FARP1: variants seen among roughly 807,000 people sequenced by gnomAD.
The protein encoded by FARP1 is FERM, ARHGEF and pleckstrin domain-containing protein 1.
In FARP1, 52 loss-of-function variants were observed where a neutral mutation model predicts 128.8. The observed-to-expected ratio is 0.40, with a 90% CI of 0.32 to 0.51. The LOEUF (loss-of-function observed/expected upper bound fraction) is 0.51. Ranked by LOEUF, FARP1 falls within the 20% of genes least tolerant of loss-of-function variation. The pLI is 0.45. For missense variants in FARP1, 1,333 were observed against 1,367.9 expected (o/e 0.97, Z 0.40); for synonymous variants, 580 against 551.8 (o/e 1.05, Z -0.72).
rs139985072 is a variant in FARP1, at chr13:98,354,730, A to G, written c.277-10665A>G. On this transcript the variant is annotated intron_variant, in intron 3 of 26. Coordinates refer to ENST00000319562, the MANE Select transcript of FARP1 (RefSeq NM_005766.4). The stretch of plus-strand genomic sequence containing the variant: ...AAATATTCTTTGCAGTTTTATTCAT[A>G]ACTCCAAACTGGAAATCGCACATGT... 8.9e-3 allele frequency among the ~76,000 whole-genome samples: 1,360 copies of G among 152,378 alleles called. 8 individuals carry two copies. Among genetic ancestry groups the G allele is most frequent in the Middle Eastern group, 0.041 (12 of 294 alleles).
At position 98,409,610 on chromosome 13, in the gene FARP1, A is replaced by G. The variant is rs1209577302; in HGVS notation, c.1602+85A>G. ...TTTTAAAAATTGTACTAAAATATAC[A>G]TAAGAGCAAAGGTACCATGTGAGCC... On this transcript the variant is annotated intron_variant, in intron 14 of 26. Coordinates refer to ENST00000319562, the MANE Select transcript of FARP1 (RefSeq NM_005766.4). 7 of 1,268,470 alleles carry G rather than the reference A, an allele frequency of 5.5e-6. No homozygotes were observed. In the African/African-American group the frequency reaches 1.0e-4, roughly 19 times the overall value. The allele number at this position is 1,268,470 out of a possible 1,614,324, so 78.6% of individuals were successfully genotyped here.
At chr13:98,415,933 T>G (rs1030049233) in intron 16 of FARP1, among the ~76,000 whole-genome samples, 1 of 152,262 alleles carries the variant, frequency 6.6e-6, no homozygotes, top group African/African-American at 2.4e-5. Context: ...CATTTCCTCC[T>G]GGGTGAAATG....
intron 3 of FARP1, among the ~76,000 whole-genome samples, chr13:98,346,207 T>TTTTTTG (rs1888171315): frequency 9.2e-6 from 1 of 108,138 alleles, no homozygotes; most frequent in African/African-American, 3.8e-5. Context: ...TTTTTTTTTT[T>TTTTTTG]GAGAAGGTGT....
At chr13:98,211,368 T>A (rs904729407) in intron 1 of FARP1, among the ~76,000 whole-genome samples, 3 of 152,202 alleles carry the variant, frequency 2.0e-5, no homozygotes, top group African/African-American at 4.8e-5. Context: ...GGGATCTAGA[T>A]TGTGCGCTCC....
At chr13:98,196,373 TA>T (rs1390950296) in intron 1 of FARP1, among the ~76,000 whole-genome samples, 1 of 152,156 alleles carries the variant, frequency 6.6e-6, no homozygotes, top group Non-Finnish European at 1.5e-5. Flanking sequence ...GTGGGCAAGT[TA>T]ATCTCTTGTG....
chr13:98,174,605 G>T (rs1877866739), intron 1 of FARP1, among the ~76,000 whole-genome samples: 1 of 152,096 alleles, frequency 6.6e-6, no homozygotes, highest in African/African-American at 2.4e-5. Flanking sequence ...TGTTAGCTTT[G>T]GCAAGGACAA....
intron 1 of FARP1, among the ~76,000 whole-genome samples, chr13:98,153,885 A>G (rs1024369552): frequency 2.0e-5 from 3 of 151,954 alleles, no homozygotes; most frequent in Non-Finnish European, 2.9e-5. Flanking sequence ...TAATGCATAG[A>G]TTTGTGTAAC....
intron 16 of FARP1, among the ~76,000 whole-genome samples, chr13:98,413,286 G>A (rs2140123661): frequency 6.6e-6 from 1 of 152,292 alleles, no homozygotes; most frequent in South Asian, 2.1e-4. Flanking sequence ...CAGCCTCGCT[G>A]GAAATGGGAA....
At chr13:98,192,335 G>T (rs1879290298) in intron 1 of FARP1, among the ~76,000 whole-genome samples, 1 of 151,914 alleles carries the variant, frequency 6.6e-6, no homozygotes, top group South Asian at 2.1e-4. Context: ...GGTCCACATT[G>T]ATTTCTGTGT....
intron 16 of FARP1, among the ~76,000 whole-genome samples, chr13:98,419,489 C>CACACACACACACAT (rs1891511683): frequency 6.8e-6 from 1 of 147,490 alleles, no homozygotes; most frequent in Admixed American, 6.7e-5. Flanking sequence ...AAAATACACA[C>CACACACACACACAT]ACACACACAC....
At chr13:98,426,303 A>G (rs1272279830) in intron 17 of FARP1, among the ~76,000 whole-genome samples, 4 of 152,132 alleles carry the variant, frequency 2.6e-5, no homozygotes, top group Non-Finnish European at 5.9e-5. Context: ...AGCCTAGACA[A>G]CATAGCAAGA....
rs888759770 is a variant in FARP1, at chr13:98,395,543, A to T, written c.1414+67A>T. On this transcript the variant is annotated intron_variant, in intron 13 of 26. Transcript: ENST00000319562. ...CCTTTCATTGACTGCAGTGACGTAG[A>T]TAGCGAATACGACCTTCTTAGAGAA... 3.3e-6 allele frequency: 5 copies of T among 1,494,178 alleles called. No homozygotes were observed. In the Admixed American group the frequency reaches 1.1e-4, roughly 33 times the overall value. The allele number at this position is 1,494,178 out of a possible 1,614,324, so 92.6% of individuals were successfully genotyped here.
chr13:98,211,596 G>A (rs1880712302), intron 1 of FARP1, among the ~76,000 whole-genome samples: 1 of 152,172 alleles, frequency 6.6e-6, no homozygotes, highest in African/African-American at 2.4e-5. Flanking sequence ...GTGCCATCGT[G>A]TTTCTGTCCC....
intron 4 of FARP1, among the ~76,000 whole-genome samples, chr13:98,367,634 A>G (rs1379347605): frequency 6.6e-6 from 1 of 152,144 alleles, no homozygotes; most frequent in African/African-American, 2.4e-5. Flanking sequence ...GGCTGAGACA[A>G]AGCCAGGGCC....
intron 2 of FARP1, among the ~76,000 whole-genome samples, chr13:98,276,800 C>T (rs1489196349): frequency 6.6e-6 from 1 of 152,166 alleles, no homozygotes; most frequent in Non-Finnish European, 1.5e-5. Context: ...CAGAATGATA[C>T]CTCTCACAGG....
At chr13:98,158,795 G>A (rs1015915524) in intron 1 of FARP1, among the ~76,000 whole-genome samples, 10 of 152,148 alleles carry the variant, frequency 6.6e-5, no homozygotes, top group African/African-American at 2.2e-4. Context: ...GTGCTTCACT[G>A]TTAGGAAAGA....
rs201287630 is a variant in FARP1 at position 98,446,090 on chromosome 13, C to G, written c.2797-8C>G. The G allele has an allele frequency of 6.2e-7, 1 of 1,603,370 alleles. No individual in the cohort carries two copies. Among genetic ancestry groups the G allele is most frequent in the African/African-American group, 1.3e-5 (1 of 74,868 alleles). Reference sequence around the variant, plus strand: ...GCTGTGCTTCTCACAGGCCTCCTTGCCTTTCAGAATCAGTTGTCTGGAAAC... The same window carrying G: ...GCTGTGCTTCTCACAGGCCTCCTTGGCTTTCAGAATCAGTTGTCTGGAAAC... On this transcript the variant is annotated splice_polypyrimidine_tract_variant and splice_region_variant and intron_variant, in intron 24 of 26. Transcript: ENST00000319562.
At chr13:98,392,465 C>A (rs894464441) in intron 11 of FARP1, among the ~76,000 whole-genome samples, 3 of 150,984 alleles carry the variant, frequency 2.0e-5, no homozygotes, top group Non-Finnish European at 2.9e-5. Flanking sequence ...GTGCCACTGC[C>A]CTCCATCTCT....
chr13:98,178,534 T>C (rs1372316109), intron 1 of FARP1, among the ~76,000 whole-genome samples: 1 of 152,222 alleles, frequency 6.6e-6, no homozygotes, highest in Non-Finnish European at 1.5e-5. Flanking sequence ...TGAGTTTATC[T>C]TCAAGTTGTG....
Sources: allele counts gnomAD v4.1 joint callset (sites outside exome capture counted in the v4.1 genomes callset), GRCh38; gene constraint gnomAD v4.1.1; transcripts MANE v1.5; gene names NCBI Gene and HGNC (gene_info 2026-07-23, HGNC 2026-07-21).